ANKRD55: variants seen among roughly 807,000 people sequenced by gnomAD.
ANKRD55 encodes the protein ankyrin repeat domain-containing protein 55.
A neutral mutation model predicts 60.6 loss-of-function variants in ANKRD55; 41 were observed. The ratio of observed to expected loss-of-function variants is 0.68; its 90% confidence interval spans 0.53 to 0.88. The LOEUF (loss-of-function observed/expected upper bound fraction) is 0.88, where lower values mean the gene tolerates loss of function less well. Ranked by LOEUF, ANKRD55 falls within the 40% of genes least tolerant of loss-of-function variation. ANKRD55 has a pLI of 0.00. For synonymous variants in ANKRD55, 264 were observed against 290.3 expected (o/e 0.91, Z 0.92); for missense variants, 732 against 767.6 (o/e 0.95, Z 0.55).
At chr5:56,112,511 A>AAAAAAAAAAAAAAAAAAAAAAAAAC in intron 9 of ANKRD55, among the ~76,000 whole-genome samples, 16 of 81,518 alleles carry the variant, frequency 2.0e-4, no homozygotes, top group African/African-American at 7.0e-4. Context: ...TAGCAAAAAA[A>AAAAAAAAAAAAAAAAAAAAAAAAAC]AAAAAAAAAA....
chr5:56,204,935 A>G (rs1297017781), intron 2 of ANKRD55, among the ~76,000 whole-genome samples: 2 of 152,140 alleles, frequency 1.3e-5, no homozygotes, highest in African/African-American at 4.8e-5. Flanking sequence ...TTAACTGCCA[A>G]CTCTGGAAAA....
At chr5:56,131,036 G>A (rs1016218907) in intron 7 of ANKRD55, among the ~76,000 whole-genome samples, 1 of 151,878 alleles carries the variant, frequency 6.6e-6, no homozygotes, top group South Asian at 2.1e-4. Context: ...AATACCAGAA[G>A]GAGAAGAGAA....
At chr5:56,147,102 C>T (rs1026358519) in intron 6 of ANKRD55, among the ~76,000 whole-genome samples, 1 of 152,194 alleles carries the variant, frequency 6.6e-6, no homozygotes, top group Non-Finnish European at 1.5e-5. Context: ...ATTTTTCATA[C>T]ACCTACTTGG....
chr5:56,192,921 A>C, intron 2 of ANKRD55: 2 of 636,324 alleles, frequency 3.1e-6, no homozygotes, highest in Non-Finnish European at 5.5e-6. Flanking sequence ...AGTTCAGAAG[A>C]AAATAAAGAC....
At chr5:56,193,523 T>C in intron 2 of ANKRD55, 1 of 438,690 alleles carries the variant, frequency 2.3e-6, no homozygotes, top group South Asian at 2.7e-5. Flanking sequence ...GTTTATCATC[T>C]TCATCCATAT....
intron 3 of ANKRD55, among the ~76,000 whole-genome samples, chr5:56,177,149 C>A (rs535736226): frequency 6.6e-6 from 1 of 152,218 alleles, no homozygotes; most frequent in South Asian, 2.1e-4. Flanking sequence ...CCAAAGTTTT[C>A]TTTAATATTT....
intron 2 of ANKRD55, among the ~76,000 whole-genome samples, chr5:56,190,063 G>A (rs1321847916): frequency 3.3e-5 from 5 of 152,076 alleles, no homozygotes; most frequent in African/African-American, 9.7e-5. Flanking sequence ...GTTTTGATTT[G>A]CATTTCTCTA....
At chr5:56,219,990 T>C (rs1164532953) in intron 2 of ANKRD55, among the ~76,000 whole-genome samples, 2 of 152,194 alleles carry the variant, frequency 1.3e-5, no homozygotes, top group African/African-American at 4.8e-5. Context: ...TGAGTAGAGA[T>C]GACAGGAAGA....
intron 2 of ANKRD55, among the ~76,000 whole-genome samples, chr5:56,197,946 C>T (rs1759265386): frequency 6.6e-6 from 1 of 152,042 alleles, no homozygotes; most frequent in African/African-American, 2.4e-5. Flanking sequence ...TGAAAGAATC[C>T]CTTGATTGAT....
intron 2 of ANKRD55, among the ~76,000 whole-genome samples, chr5:56,189,179 G>GT (rs774762916): frequency 7.2e-5 from 11 of 151,992 alleles, no homozygotes; most frequent in African/African-American, 2.7e-4. Context: ...TAGTTAAAGA[G>GT]TTTTTTTAAT....
intron 7 of ANKRD55, among the ~76,000 whole-genome samples, chr5:56,142,949 T>G (rs909213290): frequency 6.6e-6 from 1 of 152,200 alleles, no homozygotes; most frequent in Non-Finnish European, 1.5e-5. Context: ...GTTTTCCCCT[T>G]ACATCAGGCA....
chr5:56,164,747 C>T (rs1191815498), intron 5 of ANKRD55, among the ~76,000 whole-genome samples: 1 of 152,134 alleles, frequency 6.6e-6, no homozygotes, highest in Admixed American at 6.5e-5. Context: ...CAAGAAAAGC[C>T]TTGGGGAGCT....
intron 2 of ANKRD55, among the ~76,000 whole-genome samples, chr5:56,188,827 C>T (rs1759030446): frequency 6.6e-6 from 1 of 152,078 alleles, no homozygotes; most frequent in Non-Finnish European, 1.5e-5. Flanking sequence ...TGAAAAAGTT[C>T]TGACTGATAA....
chr5:56,162,828 C>G (rs1758365877), intron 5 of ANKRD55, among the ~76,000 whole-genome samples: 1 of 152,094 alleles, frequency 6.6e-6, no homozygotes, highest in Non-Finnish European at 1.5e-5. Context: ...TGTGCACCAT[C>G]ACGCCCAACT....
chr5:56,182,178 G>T (rs920551443), intron 3 of ANKRD55, among the ~76,000 whole-genome samples: 1 of 152,152 alleles, frequency 6.6e-6, no homozygotes, highest in Non-Finnish European at 1.5e-5. Flanking sequence ...GGGAGGCCAA[G>T]GTGGGAGGAT....
chr5:56,158,005 A>T (rs1231359373), intron 6 of ANKRD55, among the ~76,000 whole-genome samples: 7 of 152,000 alleles, frequency 4.6e-5, no homozygotes, highest in African/African-American at 1.7e-4. Flanking sequence ...ACATGGTGAA[A>T]CCCCGTCTCT....
chr5:56,160,101 T>TGTGGAG (rs1202518116), intron 5 of ANKRD55, among the ~76,000 whole-genome samples: 28 of 152,288 alleles, frequency 1.8e-4, no homozygotes, highest in African/African-American at 6.7e-4. Context: ...AGGGCTACTG[T>TGTGGAG]CTGCCTCTCC....
At chr5:56,125,166 CT>C (rs1304929978) in intron 8 of ANKRD55, among the ~76,000 whole-genome samples, 2 of 152,010 alleles carry the variant, frequency 1.3e-5, no homozygotes, top group Non-Finnish European at 2.9e-5. Flanking sequence ...GAAATTTGTT[CT>C]TTTTTTAAAA....
chr5:56,176,317 T>C (rs763719024), intron 3 of ANKRD55, 35 bp from the exon 4 acceptor site: 1 of 1,613,808 alleles, frequency 6.2e-7, no homozygotes, highest in African/African-American at 1.3e-5. Flanking sequence ...TTTAAACATG[T>C]GTGACCCATG....
Sources: gnomAD v4.1 joint callset for allele counts (sites outside exome capture counted in the v4.1 genomes callset) on GRCh38, gnomAD v4.1.1 for gene constraint, MANE v1.5 for transcripts, NCBI Gene and HGNC (gene_info 2026-07-23, HGNC 2026-07-21) for gene names.